The following KCTD16 variants were observed in gnomAD, a reference collection of about 807,000 sequenced individuals.
KCTD16 encodes BTB/POZ domain-containing protein KCTD16.
KCTD16 carries 13 observed loss-of-function variants against 33.2 expected under a neutral mutation model. That is an observed-to-expected ratio of 0.39 (90% CI 0.25 to 0.62). The LOEUF (loss-of-function observed/expected upper bound fraction) is 0.62, where lower values mean the gene tolerates loss of function less well. Ranked by LOEUF, KCTD16 falls within the 20% of genes least tolerant of loss-of-function variation. The pLI, the probability that KCTD16 is intolerant of heterozygous loss-of-function variation, is 0.50. For missense variants in KCTD16, 441 were observed against 525.1 expected (o/e 0.84, Z 1.57); for synonymous variants, 197 against 195.3 (o/e 1.01, Z -0.07).
intron 3 of KCTD16, among the ~76,000 whole-genome samples, chr5:144,472,739 CAT>C (rs1213295977): frequency 7.2e-5 from 11 of 152,228 alleles, no homozygotes; most frequent in Admixed American, 2.0e-4. Context: ...CAAAATGTAA[CAT>C]GTGCAATAAT....
intron 3 of KCTD16, among the ~76,000 whole-genome samples, chr5:144,256,015 C>G (rs981147210): frequency 6.6e-6 from 1 of 152,132 alleles, no homozygotes; most frequent in Non-Finnish European, 1.5e-5. Flanking sequence ...CTTTAAATAC[C>G]AAGTCAGTAC....
rs1043667656 is a variant in KCTD16, at chr5:144,474,690, A to G, written c.*576A>G. 1 of 153,180 alleles carries G rather than the reference A, an allele frequency of 6.5e-6. No homozygotes were observed. Among genetic ancestry groups the G allele is most frequent in the Non-Finnish European group, 1.5e-5 (1 of 68,518 alleles). The allele number at this position is 153,180 out of a possible 1,614,324, so 9.5% of individuals were successfully genotyped here. On this transcript the variant is annotated 3_prime_UTR_variant, in exon 4 of 4. Transcript: ENST00000512467. The stretch of plus-strand genomic sequence containing the variant: ...AAGTATGTATATACACATGACGCAC[A>G]CGATGCCAGGGCCTAGACCTCCCAA...
At position 144,410,173 on chromosome 5, in the gene KCTD16, C is replaced by T. The variant is rs532458772; in HGVS notation, c.833-63487C>T. Among the ~76,000 whole-genome samples, 6 of 152,270 alleles carry T rather than the reference C, an allele frequency of 3.9e-5. No homozygotes were observed. In the East Asian group the frequency reaches 9.7e-4, roughly 25 times the overall value. Reference sequence around the variant, plus strand: ...GGAAATGTGGCTAAGCTTTGCTGTGCATGGGCTCTGGCAAAGAAAAGGGGA... The same window carrying T: ...GGAAATGTGGCTAAGCTTTGCTGTGTATGGGCTCTGGCAAAGAAAAGGGGA... On this transcript the variant is annotated intron_variant, in intron 3 of 3. Transcript: ENST00000512467.
intron 3 of KCTD16, among the ~76,000 whole-genome samples, chr5:144,472,019 A>T (rs1754487729): frequency 6.6e-6 from 1 of 152,194 alleles, no homozygotes; most frequent in Non-Finnish European, 1.5e-5. Context: ...AGAAGATAGG[A>T]TGTAATTTTC....
At chr5:144,249,251 C>T (rs1754632099) in intron 3 of KCTD16, among the ~76,000 whole-genome samples, 2 of 152,178 alleles carry the variant, frequency 1.3e-5, no homozygotes, top group African/African-American at 2.4e-5. Flanking sequence ...TATTCTTATA[C>T]TCTTCCCATT....
chr5:144,429,510 A>G (rs1753409066), intron 3 of KCTD16, among the ~76,000 whole-genome samples: 2 of 152,080 alleles, frequency 1.3e-5, no homozygotes. Flanking sequence ...GTATCTTGGG[A>G]AGAACTCTGG....
At position 144,480,323 on chromosome 5, in the gene KCTD16, G is replaced by A. The variant is rs1039187817; in HGVS notation, c.*6209G>A. ...CTCTACTGTGGATGTCAGTCCTTGA[G>A]AATGTTAAGTAAAGCTTGAGCTTGT... On this transcript the variant is annotated 3_prime_UTR_variant, in exon 4 of 4. Transcript: ENST00000512467. 3 of 123,200 alleles carry A rather than the reference G, an allele frequency of 2.4e-5. No homozygotes were observed. Among genetic ancestry groups the A allele is most frequent in the African/African-American group, 9.6e-5 (3 of 31,314 alleles). The allele number at this position is 123,200 out of a possible 1,614,324, so 7.6% of individuals were successfully genotyped here.
At chr5:144,358,924 G>A (rs757973202) in intron 3 of KCTD16, among the ~76,000 whole-genome samples, 1 of 152,142 alleles carries the variant, frequency 6.6e-6, no homozygotes, top group Non-Finnish European at 1.5e-5. Flanking sequence ...CCCCATATGA[G>A]TATAGGGGGT....
chr5:144,448,760 C>G (rs1434441989), intron 3 of KCTD16, among the ~76,000 whole-genome samples: 3 of 152,030 alleles, frequency 2.0e-5, no homozygotes, highest in Non-Finnish European at 4.4e-5. Context: ...TTCTCTTAAT[C>G]AAATCTCTTT....
chr5:144,317,144 T>G (rs969921811), intron 3 of KCTD16, among the ~76,000 whole-genome samples: 2 of 152,072 alleles, frequency 1.3e-5, no homozygotes, highest in African/African-American at 4.8e-5. Flanking sequence ...ATCTTTTTAA[T>G]GTAAATTCAT....
intron 3 of KCTD16, among the ~76,000 whole-genome samples, chr5:144,381,674 A>G (rs921629505): frequency 2.0e-5 from 3 of 152,162 alleles, no homozygotes; most frequent in Non-Finnish European, 4.4e-5. Context: ...CTTATCACCA[A>G]TGGGATGGCC....
At chr5:144,288,995 C>T (rs1264435114) in intron 3 of KCTD16, among the ~76,000 whole-genome samples, 1 of 151,948 alleles carries the variant, frequency 6.6e-6, no homozygotes, top group African/African-American at 2.4e-5. Flanking sequence ...GCCTGGGCAA[C>T]AATAGTGAAA....
At chr5:144,417,955 C>T (rs939871663) in intron 3 of KCTD16, among the ~76,000 whole-genome samples, 15 of 152,008 alleles carry the variant, frequency 9.9e-5, no homozygotes, top group South Asian at 2.1e-4. Context: ...ATGGTGTGTC[C>T]GGAGTTTGTT....
chr5:144,280,819 C>T (rs567715603), intron 3 of KCTD16, among the ~76,000 whole-genome samples: 1 of 151,576 alleles, frequency 6.6e-6, no homozygotes, highest in African/African-American at 2.4e-5. Context: ...CCCAGCTACT[C>T]GGGAGGCTGA....
intron 3 of KCTD16, among the ~76,000 whole-genome samples, chr5:144,295,172 G>A (rs528112377): frequency 6.6e-6 from 1 of 152,340 alleles, no homozygotes; most frequent in South Asian, 2.1e-4. Flanking sequence ...CAGATGCATA[G>A]AAAGAGCTCA....
chr5:144,185,887 T>C (rs1381818338), intron 2 of KCTD16, among the ~76,000 whole-genome samples: 1 of 152,174 alleles, frequency 6.6e-6, no homozygotes, highest in African/African-American at 2.4e-5. Context: ...GCTCAATTAA[T>C]CCTCACAAGA....
chr5:144,397,362 T>C (rs1333125850), intron 3 of KCTD16, among the ~76,000 whole-genome samples: 1 of 152,100 alleles, frequency 6.6e-6, no homozygotes, highest in African/African-American at 2.4e-5. Context: ...TTTGCTATTG[T>C]GAGTAGTGCC....
At chr5:144,413,855 G>A (rs966350024) in intron 3 of KCTD16, among the ~76,000 whole-genome samples, 2 of 152,082 alleles carry the variant, frequency 1.3e-5, no homozygotes, top group Non-Finnish European at 2.9e-5. Flanking sequence ...AATGAGCATC[G>A]ATTTAAGAAT....
intron 3 of KCTD16, among the ~76,000 whole-genome samples, chr5:144,412,869 G>A (rs948893257): frequency 6.6e-6 from 1 of 152,192 alleles, no homozygotes; most frequent in African/African-American, 2.4e-5. Context: ...CTGGGCCACA[G>A]AGTGAGAGAG....
Sources: gnomAD v4.1 joint callset for allele counts (sites outside exome capture counted in the v4.1 genomes callset) on GRCh38, gnomAD v4.1.1 for gene constraint, MANE v1.5 for transcripts, NCBI Gene and HGNC (gene_info 2026-07-23, HGNC 2026-07-21) for gene names.